FAM161B: variants seen among roughly 807,000 people sequenced by gnomAD.
The protein encoded by FAM161B is FAM161 centrosomal protein B.
A neutral mutation model predicts 61.5 loss-of-function variants in FAM161B; 46 were observed. The observed-to-expected ratio is 0.75, with a 90% CI of 0.59 to 0.96. The LOEUF (loss-of-function observed/expected upper bound fraction) is 0.96. Among genes scored for constraint, FAM161B ranks in the 40% least tolerant of loss-of-function variants. The probability of loss-of-function intolerance (pLI) is 0.00; values close to 1 mark genes in which losing one functional copy is unlikely to be tolerated. For synonymous variants in FAM161B, 284 were observed against 302.7 expected (o/e 0.94, Z 0.64); for missense variants, 774 against 800.7 (o/e 0.97, Z 0.40).
At chr14:73,928,941 A>C (rs903555429), downstream of FAM161B, among the ~76,000 whole-genome samples, 1 of 152,086 alleles carries the variant, frequency 6.6e-6, no homozygotes, top group Non-Finnish European at 1.5e-5. Flanking sequence ...ATCCTATCCC[A>C]AAAATCAAAC....
At chr14:73,932,215 A>AAGTT, downstream of FAM161B, 1 of 336,170 alleles carries the variant, frequency 3.0e-6, no homozygotes, top group Non-Finnish European at 5.8e-6. Flanking sequence ...TGTTTTTTTA[A>AAGTT]AGTTAAAAAT....
intron 1 of FAM161B, among the ~76,000 whole-genome samples, chr14:73,947,857 C>T (rs1013352921): frequency 2.0e-5 from 3 of 151,998 alleles, no homozygotes; most frequent in Admixed American, 2.0e-4. Flanking sequence ...ATTCAGGGAA[C>T]CAGGTATCAA....
At chr14:73,924,048 A>G in the FAM161B span, among the ~76,000 whole-genome samples, 1 of 152,190 alleles carries the variant, frequency 6.6e-6, no homozygotes, top group Non-Finnish European at 1.5e-5. Context: ...TCATTCTGCT[A>G]TGGTCATATG....
rs1159017534 is a variant in FAM161B at position 73,946,274 on chromosome 14, G to A, written c.374+12C>T. On this transcript the variant is annotated intron_variant, in intron 2 of 8. Transcript: ENST00000286544. The stretch of plus-strand genomic sequence containing the variant: ...TGTGGAGTGAGGCAGCCGTGGAGCT[G>A]CAGTGCCTTACCTCAGAGCCTGCGG... 5 of 1,606,772 alleles carry A rather than the reference G, an allele frequency of 3.1e-6. No homozygotes were observed. In the African/African-American group the frequency reaches 6.7e-5, roughly 22 times the overall value.
rs1380790796 is a variant in FAM161B at position 73,937,456 on chromosome 14, T to C, written c.1665+146A>G. On this transcript the variant is annotated intron_variant, in intron 7 of 8. Transcript: ENST00000286544. ...CAAGCAGCATTCTCTATTGTACTAT[T>C]TATTTTGGGAAAAGAAGGTAGTAGT... The C allele has an allele frequency of 4.4e-6, 3 of 681,652 alleles. No individual in the cohort carries two copies. In the South Asian group the frequency reaches 5.7e-5, roughly 13 times the overall value. The allele number at this position is 681,652 out of a possible 1,614,324, so 42.2% of individuals were successfully genotyped here.
At position 73,934,106 on chromosome 14, in the gene FAM161B, G is replaced by A; in HGVS notation, c.*150C>T. On this transcript the variant is annotated 3_prime_UTR_variant, in exon 9 of 9. Transcript: ENST00000286544. ...CAAAGTGTTGGGATTACAGGCGTGAGCCACTGCGCCTGGCCTGTTAATCTG... is the reference window on the plus strand; with the variant it reads ...CAAAGTGTTGGGATTACAGGCGTGAACCACTGCGCCTGGCCTGTTAATCTG... The A allele has an allele frequency of 1.1e-6, 1 of 887,278 alleles. No homozygotes were observed. Among genetic ancestry groups the A allele is most frequent in the South Asian group, 1.8e-5 (1 of 55,230 alleles). The allele number at this position is 887,278 out of a possible 1,614,324, so 55.0% of individuals were successfully genotyped here. A position where few individuals can be genotyped will look rare whatever the true frequency, so the allele number is the denominator to read the frequency against.
downstream of FAM161B, chr14:73,931,581 C>T: frequency 1.3e-6 from 2 of 1,596,382 alleles, no homozygotes; most frequent in Non-Finnish European, 1.7e-6. Flanking sequence ...TCTATCTGAT[C>T]TCAAAATGCG....
downstream of FAM161B, among the ~76,000 whole-genome samples, chr14:73,931,107 C>T (rs2055906294): frequency 6.6e-6 from 1 of 152,130 alleles, no homozygotes; most frequent in Non-Finnish European, 1.5e-5. Context: ...GGAACAGCTC[C>T]TCTTCCTATT....
At chr14:73,940,257 T>C (rs1465626414) in intron 5 of FAM161B, among the ~76,000 whole-genome samples, 1 of 152,196 alleles carries the variant, frequency 6.6e-6, no homozygotes, top group African/African-American at 2.4e-5. Context: ...ATCAGGTCAG[T>C]TGAAGAGTTA....
chr14:73,929,330 A>G (rs1189517618), downstream of FAM161B, among the ~76,000 whole-genome samples: 4 of 151,822 alleles, frequency 2.6e-5, no homozygotes, highest in African/African-American at 9.7e-5. Context: ...GGTCTAGGTA[A>G]TAACTTGCTA....
downstream of FAM161B, among the ~76,000 whole-genome samples, chr14:73,929,075 A>G (rs762850481): frequency 8.5e-5 from 13 of 152,354 alleles, no homozygotes; most frequent in Middle Eastern, 3.4e-3. Context: ...ATGTAGCTCA[A>G]AATCCTGCAC....
downstream of FAM161B, among the ~76,000 whole-genome samples, chr14:73,930,513 C>G (rs187069870): frequency 6.6e-6 from 1 of 152,124 alleles, no homozygotes; most frequent in African/African-American, 2.4e-5. Flanking sequence ...TTAGGATCAC[C>G]AAGTAAATAC....
chr14:73,945,757 G>A (rs1328129852), intron 2 of FAM161B, among the ~76,000 whole-genome samples: 1 of 151,468 alleles, frequency 6.6e-6, no homozygotes, highest in Non-Finnish European at 1.5e-5. Flanking sequence ...ATTTTTATTT[G>A]TTGAGACAGA....
intron 6 of FAM161B, 43 bp downstream of exon 6, chr14:73,937,905 A>AT: frequency 6.2e-7 from 1 of 1,611,204 alleles, no homozygotes. Context: ...GGTCTGTTGG[A>AT]TCCCAAGGCA....
At chr14:73,941,170 T>C in intron 4 of FAM161B, 117 bp from the exon 5 acceptor site, 1 of 1,282,172 alleles carries the variant, frequency 7.8e-7, no homozygotes, top group Admixed American at 3.0e-5. Context: ...CAGGCTGGAG[T>C]GCAGTGGCGC....
At position 73,942,702 on chromosome 14, in the gene FAM161B, G is replaced by A. The variant is rs750774670; in HGVS notation, c.939C>T (p.Phe313=). The A allele has an allele frequency of 2.2e-5, 35 of 1,612,486 alleles. No individual in the cohort carries two copies. The highest frequency in any genetic ancestry group is 3.0e-5 in the Non-Finnish European group (35 of 1,178,750). Residue 313 remains phenylalanine (F), a synonymous_variant, in exon 4 of 9, where the codon TTC becomes TTT. Coordinates refer to ENST00000286544, the MANE Select transcript of FAM161B (RefSeq NM_152445.3). The stretch of plus-strand genomic sequence containing the variant: ...CTCTCATTTGGATGCGAATTTTCCT[G>A]AAGAGCTCAGCTTCTGTGGAGAAAG... The part of the protein sequence containing the change: ...LGDKLQEAEL[F]RKIRIQMRAL...
chr14:73,937,785 C>T lies in FAM161B; in HGVS notation c.1566-84G>A, dbSNP rs138137081. 68 of 1,531,678 alleles carry T rather than the reference C, an allele frequency of 4.4e-5. No homozygotes were observed. In the South Asian group the frequency reaches 4.5e-4, roughly 10 times the overall value. 94.9% of individuals were successfully genotyped at this position (1,531,678 alleles called of 1,614,324 possible). On this transcript the variant is annotated intron_variant, in intron 6 of 8. Transcript: ENST00000286544. ...ATTTCCAGTAAAGCAGTGTAACTCT[C>T]GTGTACACTGTAAATTCCTATCTGA...
chr14:73,949,228 G>A (rs957650845), intron 1 of FAM161B, among the ~76,000 whole-genome samples: 1 of 152,162 alleles, frequency 6.6e-6, no homozygotes, highest in Non-Finnish European at 1.5e-5. Context: ...TCAGCCTCCC[G>A]AGTAGCTGGG....
chr14:73,937,943 C>G lies in FAM161B; in HGVS notation c.1565+5G>C. On this transcript the variant is annotated splice_donor_5th_base_variant and intron_variant, in intron 6 of 8. Coordinates refer to ENST00000286544, the MANE Select transcript of FAM161B (RefSeq NM_152445.3). ...CACCCCTTTTGACACATAGAGGACACTGACCGGTTCTCTTTCAGCTTTGCT... is the reference window on the plus strand; with the variant it reads ...CACCCCTTTTGACACATAGAGGACAGTGACCGGTTCTCTTTCAGCTTTGCT... 1 of 1,614,196 alleles carries G rather than the reference C, an allele frequency of 6.2e-7. No homozygotes were observed. The highest frequency in any genetic ancestry group is 8.5e-7 in the Non-Finnish European group (1 of 1,180,022).
Sources: allele counts gnomAD v4.1 joint callset (sites outside exome capture counted in the v4.1 genomes callset), GRCh38; gene constraint gnomAD v4.1.1; transcripts MANE v1.5; gene names NCBI Gene and HGNC (gene_info 2026-07-23, HGNC 2026-07-21).